The following KLF12 variants were observed in gnomAD, a reference collection of about 807,000 sequenced individuals.
The protein encoded by KLF12 is Krueppel-like factor 12.
Under a neutral mutation model 37.8 loss-of-function variants are expected in KLF12, and 9 were observed. That is an observed-to-expected ratio of 0.24 (90% confidence interval 0.14 to 0.42). The LOEUF is 0.42. KLF12 is among the 10% of genes least tolerant of loss of function. The pLI, the probability that KLF12 is intolerant of heterozygous loss-of-function variation, is 1.00. For missense variants in KLF12, 411 were observed against 516.0 expected (o/e 0.80, Z 1.97); for synonymous variants, 208 against 202.1 (o/e 1.03, Z -0.25).
rs1874057572 is a variant in KLF12 at position 73,695,274 on chromosome 13, G to A, written c.*216C>T. 1 of 527,634 alleles carries A rather than the reference G, an allele frequency of 1.9e-6. No individual in the cohort carries two copies. Among genetic ancestry groups the A allele is most frequent in the Non-Finnish European group, 3.4e-6 (1 of 296,250 alleles). The allele number at this position is 527,634 out of a possible 1,614,324, so 32.7% of individuals were successfully genotyped here. A position where few individuals can be genotyped will look rare whatever the true frequency, so the allele number is the denominator to read the frequency against. ...CTGTCTCTTCAGCATTTATGTCACT[G>A]AGCTCCCAGGCCCGGGTAAAGACGG... On this transcript the variant is annotated 3_prime_UTR_variant, in exon 8 of 8. Transcript: ENST00000377669.
At chr13:74,206,783 C>T in the KLF12 span, among the ~76,000 whole-genome samples, 2 of 152,122 alleles carry the variant, frequency 1.3e-5, no homozygotes, top group Non-Finnish European at 2.9e-5. Context: ...GACACTTTGG[C>T]AATTTATTTA....
upstream of KLF12, among the ~76,000 whole-genome samples, chr13:74,134,823 GGGCCCCCACCC>G (rs571312486): frequency 6.6e-6 from 1 of 151,750 alleles, no homozygotes; most frequent in African/African-American, 2.4e-5. Context: ...CAGCCCGCTT[GGGCCCCCACCC>G]CTCGCCGCAC....
intron 1 of KLF12, among the ~76,000 whole-genome samples, chr13:74,014,562 G>A (rs1402618438): frequency 6.6e-6 from 1 of 152,176 alleles, no homozygotes; most frequent in African/African-American, 2.4e-5. Flanking sequence ...GAGAGATATG[G>A]AATGCATATT....
chr13:74,077,312 T>C (rs1566201178), intron 1 of KLF12, among the ~76,000 whole-genome samples: 2 of 152,198 alleles, frequency 1.3e-5, no homozygotes, highest in Non-Finnish European at 2.9e-5. Context: ...CTATGAGTAC[T>C]CCACAAAATA....
At chr13:74,298,841 G>GTGCTTCA in the KLF12 span, among the ~76,000 whole-genome samples, 14 of 152,220 alleles carry the variant, frequency 9.2e-5, no homozygotes, top group Middle Eastern at 6.8e-3. Flanking sequence ...GGCTTGTTTT[G>GTGCTTCA]AAGCACACAT....
chr13:74,250,453 T>C, the KLF12 span, among the ~76,000 whole-genome samples: 1 of 151,908 alleles, frequency 6.6e-6, no homozygotes, highest in East Asian at 1.9e-4. Context: ...CCTGGAGAAC[T>C]TAGGAGGAAA....
the KLF12 span, among the ~76,000 whole-genome samples, chr13:74,229,243 G>C: frequency 6.6e-6 from 1 of 152,200 alleles, no homozygotes; most frequent in East Asian, 1.9e-4. Flanking sequence ...AAGGGGGATA[G>C]TCGTTAGGAA....
intron 1 of KLF12, among the ~76,000 whole-genome samples, chr13:74,011,759 A>T (rs983295338): frequency 2.0e-5 from 3 of 152,328 alleles, no homozygotes; most frequent in Middle Eastern, 6.8e-3. Context: ...ATGCCATTTT[A>T]TATCAGGGAT....
chr13:73,913,011 T>C (rs1274009144), intron 3 of KLF12, among the ~76,000 whole-genome samples: 1 of 151,974 alleles, frequency 6.6e-6, no homozygotes, highest in Non-Finnish European at 1.5e-5. Context: ...TTCCCTTATT[T>C]CTGGCCAAGA....
In KLF12 at chr13:73,920,623, T is replaced by C. The variant is rs541802572; in HGVS notation, c.123+23358A>G. ...GAGGCTCTTAGTTCCCCCATTCCCA[T>C]CCCTAGGCACCCTTTCAAAGTTAAT... On this transcript the variant is annotated intron_variant, in intron 3 of 7. Coordinates refer to ENST00000377669, the MANE Select transcript of KLF12 (RefSeq NM_007249.5). Among the ~76,000 whole-genome samples, 33 of 152,172 alleles carry C rather than the reference T, an allele frequency of 2.2e-4. No individual in the cohort carries two copies. The South Asian group carries it at 6.6e-3, about 31-fold the overall frequency.
the KLF12 span, among the ~76,000 whole-genome samples, chr13:74,152,579 A>C: frequency 6.6e-6 from 1 of 152,168 alleles, no homozygotes; most frequent in African/African-American, 2.4e-5. Flanking sequence ...AGGTTTCTAC[A>C]TAAACAATAA....
the KLF12 span, among the ~76,000 whole-genome samples, chr13:74,186,713 A>C: frequency 6.6e-6 from 1 of 152,186 alleles, no homozygotes; most frequent in African/African-American, 2.4e-5. Flanking sequence ...CATTTTACCT[A>C]CATTTAAAAA....
At chr13:73,769,337 T>C (rs992725177) in intron 5 of KLF12, among the ~76,000 whole-genome samples, 1 of 152,196 alleles carries the variant, frequency 6.6e-6, no homozygotes, top group Admixed American at 6.5e-5. Context: ...AATCTAATGG[T>C]GAATTCTTAG....
At chr13:73,764,916 T>G (rs370169684) in intron 6 of KLF12, 22 bp downstream of exon 6, 21 of 1,364,726 alleles carry the variant, frequency 1.5e-5, no homozygotes, top group Non-Finnish European at 2.1e-5. Context: ...CTACAAATAC[T>G]CATATTAGAC....
intron 6 of KLF12, among the ~76,000 whole-genome samples, chr13:73,750,702 C>T (rs1056717358): frequency 1.2e-4 from 19 of 152,036 alleles, no homozygotes; most frequent in African/African-American, 4.6e-4. Flanking sequence ...AAATGTGTAC[C>T]ATGGTGATTA....
intron 3 of KLF12, among the ~76,000 whole-genome samples, chr13:73,925,440 T>A (rs1367947042): frequency 6.6e-6 from 1 of 152,184 alleles, no homozygotes; most frequent in Non-Finnish European, 1.5e-5. Context: ...AACAGCATGA[T>A]TTACGGAGTA....
chr13:73,850,314 A>G (rs376336653), intron 3 of KLF12, among the ~76,000 whole-genome samples: 18 of 152,292 alleles, frequency 1.2e-4, no homozygotes, highest in African/African-American at 4.1e-4. Context: ...TTCTAATCAG[A>G]TAACTTTTTT....
chr13:74,035,367 G>A (rs368741181), intron 1 of KLF12, among the ~76,000 whole-genome samples: 23 of 152,070 alleles, frequency 1.5e-4, no homozygotes, highest in African/African-American at 5.3e-4. Flanking sequence ...AGAAACCCTT[G>A]GAAACAGAGG....
intron 3 of KLF12, among the ~76,000 whole-genome samples, chr13:73,895,278 G>T (rs1887709066): frequency 6.6e-6 from 1 of 152,202 alleles, no homozygotes; most frequent in Non-Finnish European, 1.5e-5. Flanking sequence ...AGATACATGA[G>T]ATCCTAGAAC....
Sources: gnomAD v4.1 joint callset for allele counts (sites outside exome capture counted in the v4.1 genomes callset) on GRCh38, gnomAD v4.1.1 for gene constraint, MANE v1.5 for transcripts, NCBI Gene and HGNC (gene_info 2026-07-23, HGNC 2026-07-21) for gene names.